The following FBXO24 variants were observed in gnomAD, a reference collection of about 807,000 sequenced individuals.
The protein encoded by FBXO24 is F-box protein 24.
In FBXO24, 30 loss-of-function variants were observed where a neutral mutation model predicts 63.5. The ratio of observed to expected loss-of-function variants is 0.47; its 90% CI spans 0.35 to 0.64. The LOEUF (loss-of-function observed/expected upper bound fraction) is 0.64, where lower values mean the gene tolerates loss of function less well. Among genes scored for constraint, FBXO24 ranks in the 30% least tolerant of loss-of-function variants. The pLI, the probability that FBXO24 is intolerant of heterozygous loss-of-function variation, is 0.00. For missense variants in FBXO24, 624 were observed against 763.4 expected (o/e 0.82, Z 2.15); for synonymous variants, 300 against 305.0 (o/e 0.98, Z 0.17).
rs1229477012 is a variant in FBXO24, at chr7:100,600,743, C to G, written c.1587C>G (p.Cys529Trp). ...AGTACCTCAGCCAGATCCACAGTTG[C>G]CAAACGTTGCAGGACCGCACGGAGA... ...CEEYLSQIHS[C>W]QTLQDRTEKM... The change falls in exon 10 of 10, where the codon TGC becomes TGG. Residue 529 changes from cysteine to tryptophan, a missense_variant. Physicochemically the swap from Cys to Trp is radical, Grantham distance 215. Coordinates refer to ENST00000241071, the MANE Select transcript of FBXO24 (RefSeq NM_033506.3). This position sits in a 1 kb window ranked among gnomAD's most constrained non-coding sequence, Gnocchi z 6.3. 1.9e-5 allele frequency: 30 copies of G among 1,614,070 alleles called. No individual in the cohort carries two copies. In the East Asian group the frequency reaches 6.7e-4, roughly 36 times the overall value.
chr7:100,596,993 G>C (rs1172818124), intron 8 of FBXO24, among the ~76,000 whole-genome samples: 1 of 152,190 alleles, frequency 6.6e-6, no homozygotes, highest in Non-Finnish European at 1.5e-5. Flanking sequence ...GGTGAGCCGA[G>C]ATCGTGCCAC....
chr7:100,587,938 G>C (rs371542359), intron 1 of FBXO24, among the ~76,000 whole-genome samples: 1 of 151,126 alleles, frequency 6.6e-6, no homozygotes. Context: ...GAGTCGCTCT[G>C]TTGCCCAGGC....
rs531565867 is a variant in FBXO24, at chr7:100,586,585, A to T, written c.-41A>T. ...ATTAGAGCCTCCGAAGGGAATCTGG[A>T]CCTGCCTCTTCTCTGAGGGACGGCT... is the stretch of plus-strand genomic sequence containing the variant. On this transcript the variant is annotated 5_prime_UTR_variant, in exon 1 of 10. Transcript: ENST00000241071. 2 of 1,611,648 alleles carry T rather than the reference A, an allele frequency of 1.2e-6. No individual in the cohort carries two copies. Among genetic ancestry groups the T allele is most frequent in the South Asian group, 1.1e-5 (1 of 90,918 alleles).
intron 8 of FBXO24, among the ~76,000 whole-genome samples, chr7:100,596,983 G>A (rs912311817): frequency 6.6e-6 from 1 of 151,986 alleles, no homozygotes; most frequent in Non-Finnish European, 1.5e-5. Context: ...CAGAGGTTGC[G>A]GTGAGCCGAG....
At chr7:100,588,977 C>T (rs1158490615) in intron 1 of FBXO24, among the ~76,000 whole-genome samples, 2 of 152,022 alleles carry the variant, frequency 1.3e-5, no homozygotes, top group East Asian at 1.9e-4. Flanking sequence ...GGTGCATCAC[C>T]ACGCCTGGGT....
intron 1 of FBXO24, among the ~76,000 whole-genome samples, chr7:100,586,958 AG>A (rs201327785): frequency 0.024 from 3,658 of 152,162 alleles, 78 homozygotes; most frequent in Middle Eastern, 0.051. Flanking sequence ...CAGCTCGAGG[AG>A]GGAGGGTGTA....
intron 1 of FBXO24, 154 bp downstream of exon 1, chr7:100,586,818 G>A (rs1801781928): frequency 1.2e-6 from 1 of 813,144 alleles, no homozygotes; most frequent in South Asian, 1.4e-5. Context: ...GACTGCTTGA[G>A]GCCAGTGCAC....
intron 1 of FBXO24, 34 bp downstream of exon 1, chr7:100,586,698 G>A: frequency 1.2e-6 from 2 of 1,613,392 alleles, no homozygotes; most frequent in South Asian, 2.2e-5. Flanking sequence ...GGTTAAGAAT[G>A]AACGCGGAGC....
chr7:100,589,455 T>C, intron 1 of FBXO24: 1 of 1,250,998 alleles, frequency 8.0e-7, no homozygotes. Context: ...TTGAGCCATG[T>C]GATGGCTAGA....
Position 100,590,227 on chromosome 7 carries a change from G to A in FBXO24, c.192G>A (p.Gln64=). ...LPVRDLVALG[Q]TCRYFHEVCD... is the part of the protein sequence containing the mutation. ...TCAGAGACCTTGTTGCCCTCGGCCA[G>A]ACCTGCCGCTACTTCCACGAAGTGT... The change falls in exon 3 of 10, where the codon CAG becomes CAA. Residue 64 remains glutamine, a synonymous_variant. Coordinates refer to ENST00000241071, the MANE Select transcript of FBXO24 (RefSeq NM_033506.3). 1 of 1,613,612 alleles carries A rather than the reference G, an allele frequency of 6.2e-7. No individual in the cohort carries two copies. Among genetic ancestry groups the A allele is most frequent in the Non-Finnish European group, 8.5e-7 (1 of 1,179,908 alleles).
At position 100,600,690 on chromosome 7, in the gene FBXO24, C is replaced by T. The variant is rs1346085837; in HGVS notation, c.1534C>T (p.Pro512Ser). ...CCTGGGGGCCAGAGCACCCCAGGAC[C>T]CCGGGGGGATGGCCCAGGCCTGCGA... ...PSLGARAPQDPGGMAQACEEY... is the reference protein window; with the variant it reads ...PSLGARAPQDSGGMAQACEEY... Residue 512 changes from proline (P) to serine (S), a missense_variant, in exon 10 of 10, where the codon CCC (proline) becomes TCC (serine). This residue lies in a region of FBXO24 where 216 missense variants were observed against 245.2 expected (regional missense o/e 0.88). Coordinates refer to ENST00000241071, the MANE Select transcript of FBXO24 (RefSeq NM_033506.3). The surrounding 1 kb of genome is among the most constrained non-coding windows in gnomAD (Gnocchi z 6.3). 2.0e-5 allele frequency: 32 copies of T among 1,614,022 alleles called. No individual in the cohort carries two copies. Among genetic ancestry groups the T allele is most frequent in the Non-Finnish European group, 2.6e-5 (31 of 1,180,002 alleles).
intron 8 of FBXO24, 199 bp from the exon 9 acceptor site, chr7:100,599,832 G>A: frequency 6.6e-6 from 4 of 604,344 alleles, no homozygotes; most frequent in South Asian, 3.9e-5. Context: ...ACCAACAGAA[G>A]TGCAAGACCC....
chr7:100,593,499 G>A (rs971278185), intron 5 of FBXO24, among the ~76,000 whole-genome samples: 9 of 151,902 alleles, frequency 5.9e-5, no homozygotes, highest in East Asian at 1.9e-4. Context: ...GTGGTGGCGC[G>A]TGCCTGTAGT....
intron 1 of FBXO24, chr7:100,589,744 G>T: frequency 6.5e-7 from 1 of 1,546,810 alleles, no homozygotes. Flanking sequence ...AGCCAGAGAC[G>T]GAAGCTGCAA....
Position 100,592,864 on chromosome 7 carries a change from G to C in FBXO24, c.640G>C (p.Gly214Arg), listed in dbSNP as rs1337661773. ...CACTCGGGAGCCGCAGGAAGTGGTGGGTACCACCAGCAGCCGGGCCTGTGA... is the reference window on the plus strand; with the variant it reads ...CACTCGGGAGCCGCAGGAAGTGGTGCGTACCACCAGCAGCCGGGCCTGTGA... ...LATREPQEVV[G>R]TTSSRACDCV... Residue 214 changes from glycine (G) to arginine (R), a missense_variant, in exon 5 of 10, where the codon GGT becomes CGT. Gly to Arg is a moderately radical substitution (Grantham distance 125). Transcript: ENST00000241071. 6.2e-7 allele frequency: 1 copy of C among 1,614,164 alleles called. No individual in the cohort carries two copies. The highest frequency in any genetic ancestry group is 1.1e-5 in the South Asian group (1 of 91,080).
intron 8 of FBXO24, among the ~76,000 whole-genome samples, chr7:100,598,198 T>G (rs1185857402): frequency 2.0e-5 from 3 of 152,126 alleles, no homozygotes; most frequent in East Asian, 1.9e-4. Context: ...AGACCCTATC[T>G]CTAAAAAATA....
chr7:100,594,471 G>A lies in FBXO24; in HGVS notation c.882G>A (p.Val294=). ...SYTVQLALRK[V]SHYLPHLRVA... The stretch of plus-strand genomic sequence containing the variant: ...CGGTTCAGCTGGCCCTGAGGAAGGT[G>A]TCCCACTACCTGCCTCACCTGCGCG... Residue 294 remains valine, a synonymous_variant, in exon 6 of 10, where the codon GTG becomes GTA. Coordinates refer to ENST00000241071, the MANE Select transcript of FBXO24 (RefSeq NM_033506.3). The surrounding 1 kb of genome is among the most constrained non-coding windows in gnomAD (Gnocchi z 4.2). 6.2e-7 allele frequency: 1 copy of A among 1,613,612 alleles called. No individual in the cohort carries two copies. Among genetic ancestry groups the A allele is most frequent in the Non-Finnish European group, 8.5e-7 (1 of 1,179,752 alleles).
At chr7:100,587,930 G>A (rs1315416930) in intron 1 of FBXO24, among the ~76,000 whole-genome samples, 2 of 145,972 alleles carry the variant, frequency 1.4e-5, no homozygotes, top group Non-Finnish European at 3.0e-5. Context: ...TTGAGACAGA[G>A]TCGCTCTGTT....
At chr7:100,592,649 T>C (rs1562817966) in intron 4 of FBXO24, 134 bp from the exon 5 acceptor site, 1 of 689,462 alleles carries the variant, frequency 1.5e-6, no homozygotes, top group South Asian at 1.8e-5. Context: ...CCCTCCCACA[T>C]AGGAACCTGA....
Sources: allele counts gnomAD v4.1 joint callset (sites outside exome capture counted in the v4.1 genomes callset), GRCh38; gene constraint gnomAD v4.1.1; regional missense constraint gnomAD v4.1.1; non-coding constraint Gnocchi (gnomAD v3.1); transcripts MANE v1.5; gene names NCBI Gene and HGNC (gene_info 2026-07-23, HGNC 2026-07-21).